Variants in RSRP1 observed in about 807,000 individuals in gnomAD.
The protein encoded by RSRP1 is arginine/serine-rich protein 1.
Under a neutral mutation model 33.0 loss-of-function variants are expected in RSRP1, and 37 were observed. The observed-to-expected ratio is 1.12, with a 90% CI of 0.86 to 1.48. RSRP1 has a LOEUF of 1.48. Among genes scored for constraint, RSRP1 ranks in the 40% most tolerant of loss-of-function variants. The pLI, the probability that RSRP1 is intolerant of heterozygous loss-of-function variation, is 0.00. For missense variants in RSRP1, 402 were observed against 385.3 expected (o/e 1.04, Z -0.36); for synonymous variants, 167 against 158.7 (o/e 1.05, Z -0.40).
chr1:25,251,353 T>A (rs142699446), upstream of RSRP1, among the ~76,000 whole-genome samples: 3 of 152,170 alleles, frequency 2.0e-5, no homozygotes, highest in African/African-American at 7.2e-5. Flanking sequence ...AAACATTCAG[T>A]ATAATTTATA....
chr1:25,290,634 C>G (rs1169569185), intron 1 of RSRP1: 1 of 1,375,116 alleles, frequency 7.3e-7, no homozygotes, highest in Admixed American at 1.8e-5. Context: ...CTCCCTCTCT[C>G]CCCCAGTATT....
chr1:25,251,033 AAAAG>A (rs1015203051), upstream of RSRP1, among the ~76,000 whole-genome samples: 11 of 152,106 alleles, frequency 7.2e-5, no homozygotes, highest in East Asian at 5.8e-4. Context: ...TTAAAAAAAA[AAAAG>A]AAAGAAAGAA....
intron 1 of RSRP1, among the ~76,000 whole-genome samples, chr1:25,258,665 G>C (rs987898890): frequency 2.6e-5 from 4 of 152,068 alleles, no homozygotes; most frequent in Admixed American, 2.6e-4. Context: ...GAATGAACAA[G>C]AATACTGCTT....
rs114084274 is a variant in RSRP1 at position 25,256,941 on chromosome 1, G to A, written c.-66-9912C>T. Among the ~76,000 whole-genome samples the A allele has an allele frequency of 7.2e-3, 1,103 of 152,270 alleles. 20 individuals are homozygous for A. The highest frequency in any genetic ancestry group is 0.025 in the African/African-American group (1,059 of 41,552). ...CTTGCTTTCCTCAGTCTATTAGACT[G>A]GTTTCTGGATTTGACCTTTTGGGCA... On this transcript the variant is annotated intron_variant, in intron 1 of 1. Coordinates refer to the RSRP1 transcript ENST00000561867.
intron 3 of RSRP1, chr1:25,244,328 A>C: frequency 7.8e-7 from 1 of 1,288,074 alleles, no homozygotes; most frequent in Non-Finnish European, 1.0e-6. Context: ...TTAATACTTT[A>C]TGCAAATAGT....
chr1:25,330,447 C>A lies in RSRP1; in HGVS notation c.-67+7531G>T, dbSNP rs1260559593. On this transcript the variant is annotated intron_variant, in intron 1 of 1. Transcript: ENST00000561867. ...AAAAATGAACAAGCTAACAAACTAC[C>A]AAGTTTTCACTTACATAAATGTAGT... is the stretch of plus-strand genomic sequence containing the variant. 6 of 133,038 alleles carry A rather than the reference C, an allele frequency of 4.5e-5. 2 individuals are homozygous for A. The highest frequency in any genetic ancestry group is 1.5e-4 in the African/African-American group (6 of 38,972). 8.2% of individuals were successfully genotyped at this position (133,038 alleles called of 1,614,324 possible). A position where few individuals can be genotyped will look rare whatever the true frequency, so the allele number is the denominator to read the frequency against.
rs1486296113 is a variant in RSRP1 at position 25,283,559 on chromosome 1, C to A, written c.-66-36530G>T. Among the ~76,000 whole-genome samples the A allele has an allele frequency of 9.1e-5, 12 of 131,432 alleles. 3 individuals carry two copies. The highest frequency in any genetic ancestry group is 3.2e-4 in the African/African-American group (12 of 38,006). The allele number at this position is 131,432 out of a possible 152,430, so 86.2% of individuals were successfully genotyped here. On this transcript the variant is annotated intron_variant, in intron 1 of 1. Transcript: ENST00000561867. The stretch of plus-strand genomic sequence containing the variant: ...TTAAAAAAAAAAATCTTAGCTCTAC[C>A]CACCGGGGCAAGTTACGTAACGCCT...
chr1:25,260,799 C>CT (rs996988638), intron 1 of RSRP1, among the ~76,000 whole-genome samples: 2,366 of 140,166 alleles, frequency 0.017, 19 homozygotes, highest in Non-Finnish European at 0.021. Flanking sequence ...TGTCATCTTC[C>CT]TTTTTTTTTT....
rs995406777 is a variant in RSRP1, at chr1:25,275,445, G to A, written c.-66-28416C>T. 1.5e-5 allele frequency among the ~76,000 whole-genome samples: 2 copies of A among 132,104 alleles called. 1 individual carries two copies. The highest frequency in any genetic ancestry group is 1.5e-4 in the Admixed American group (2 of 13,548). 86.7% of individuals were successfully genotyped at this position (132,104 alleles called of 152,430 possible). A position where few individuals can be genotyped will look rare whatever the true frequency, so the allele number is the denominator to read the frequency against. On this transcript the variant is annotated intron_variant, in intron 1 of 1. Transcript: ENST00000561867. ...CATGGAGGAAGCCATGCCAGGGCTG[G>A]TGTTGGGCACAGGGAAAGGGGCATG...
intron 2 of RSRP1, among the ~76,000 whole-genome samples, chr1:25,245,668 G>C (rs1639316001): frequency 1.3e-5 from 2 of 152,128 alleles, no homozygotes; most frequent in South Asian, 2.1e-4. Flanking sequence ...TTGCTGAAAA[G>C]AATAAAATTC....
chr1:25,299,255 G>T lies in RSRP1; in HGVS notation c.-67+38723C>A, dbSNP rs1260673686. Among the ~76,000 whole-genome samples the T allele has an allele frequency of 1.6e-5, 2 of 128,928 alleles. 1 individual carries two copies. Among genetic ancestry groups the T allele is most frequent in the Non-Finnish European group, 3.6e-5 (2 of 54,932 alleles). 84.6% of individuals were successfully genotyped at this position (128,928 alleles called of 152,430 possible). ...AAATTAGCCGGGCACGGTGGTGGGT[G>T]CCTGTAATCCCAGCTACTTGGGAGG... On this transcript the variant is annotated intron_variant, in intron 1 of 1. Coordinates refer to the RSRP1 transcript ENST00000561867.
chr1:25,269,682 A>C (rs1347580377), intron 1 of RSRP1, among the ~76,000 whole-genome samples: 1 of 133,222 alleles, frequency 7.5e-6, no homozygotes. Context: ...TAGTCAGAAA[A>C]TGGGGCCTTT....
chr1:25,280,252 G>A (rs1447593749), intron 1 of RSRP1, among the ~76,000 whole-genome samples: 1 of 127,856 alleles, frequency 7.8e-6, no homozygotes, highest in Admixed American at 7.6e-5. Flanking sequence ...TCGGGATCAG[G>A]GGCAGCAGCT....
At chr1:25,334,338 C>G (rs1308168175) in intron 1 of RSRP1, among the ~76,000 whole-genome samples, 2 of 132,548 alleles carry the variant, frequency 1.5e-5, no homozygotes, top group Admixed American at 1.5e-4. Context: ...ACATCCAGGT[C>G]ACGCAGATGG....
chr1:25,257,597 ATTTTTTTT>A (rs71712758), intron 1 of RSRP1, among the ~76,000 whole-genome samples: 1 of 131,234 alleles, frequency 7.6e-6, no homozygotes, highest in Non-Finnish European at 1.6e-5. Context: ...GGAGATGCAG[ATTTTTTTT>A]TTTTTTTTTT....
At chr1:25,272,617 C>T in intron 1 of RSRP1, 2 of 1,578,432 alleles carry the variant, frequency 1.3e-6, no homozygotes. Context: ...GGAAGCAGCT[C>T]TCATTCTCCT....
chr1:25,246,389 C>G, intron 2 of RSRP1, 55 bp downstream of exon 2: 2 of 1,583,800 alleles, frequency 1.3e-6, no homozygotes, highest in Non-Finnish European at 8.6e-7. Flanking sequence ...CCCTAGCCTA[C>G]TCATATACTG....
At position 25,318,449 on chromosome 1, in the gene RSRP1, G is replaced by A. The variant is rs1249254177; in HGVS notation, c.-67+19529C>T. The stretch of plus-strand genomic sequence containing the variant: ...CCAGAAATACAAAAATTAGCCAGGC[G>A]TGGTGGCGTGTGCCTGTAGTCCCAG... On this transcript the variant is annotated intron_variant, in intron 1 of 1. Transcript: ENST00000561867. 6.1e-5 allele frequency among the ~76,000 whole-genome samples: 8 copies of A among 130,454 alleles called. 1 individual carries two copies. The highest frequency in any genetic ancestry group is 2.0e-4 in the East Asian group (1 of 5,102). 85.6% of individuals were successfully genotyped at this position (130,454 alleles called of 152,430 possible).
intron 1 of RSRP1, chr1:25,252,992 C>T (rs1250083378): frequency 2.0e-5 from 3 of 152,214 alleles, no homozygotes; most frequent in East Asian, 1.9e-4. Context: ...TATGTCCATC[C>T]GTTCCTGAGC....
Sources: allele counts gnomAD v4.1 joint callset (sites outside exome capture counted in the v4.1 genomes callset), GRCh38; gene constraint gnomAD v4.1.1; transcripts MANE v1.5; gene names NCBI Gene and HGNC (gene_info 2026-07-23, HGNC 2026-07-21).